Variants in NFIC observed in about 807,000 individuals in gnomAD.
The protein encoded by NFIC is nuclear factor 1 C-type.
A neutral mutation model predicts 54.4 loss-of-function variants in NFIC; 12 were observed. The ratio of observed to expected loss-of-function variants is 0.22; its 90% confidence interval spans 0.14 to 0.36. The LOEUF is 0.36. NFIC is among the 10% of genes least tolerant of loss of function. NFIC has a pLI of 1.00. For synonymous variants in NFIC, 322 were observed against 319.2 expected, an observed-to-expected ratio of 1.01 and a Z score of -0.09; for missense variants, 575 against 718.2, an observed-to-expected ratio of 0.80 and a Z score of 2.28.
In NFIC at chr19:3,369,717, G is replaced by A. The variant is rs533991592; in HGVS notation, c.30+3051G>A. Among the ~76,000 whole-genome samples, 3 of 150,374 alleles carry A rather than the reference G, an allele frequency of 2.0e-5. No individual in the cohort carries two copies. Among genetic ancestry groups the A allele is most frequent in the Admixed American group, 1.3e-4 (2 of 15,182 alleles). ...CATAAATCCTGCCGGCGGGAAGGCCGGCCTCCCCGCGCCTGCTCTGGGCCT... is the reference window on the plus strand; with the variant it reads ...CATAAATCCTGCCGGCGGGAAGGCCAGCCTCCCCGCGCCTGCTCTGGGCCT... On this transcript the variant is annotated intron_variant, in intron 1 of 10. Coordinates refer to ENST00000443272, the MANE Select transcript of NFIC (RefSeq NM_001245002.2). The surrounding 1 kb of genome is among the most constrained non-coding windows in gnomAD (Gnocchi z 4.3).
intron 2 of NFIC, among the ~76,000 whole-genome samples, chr19:3,397,152 A>G (rs568302744): frequency 6.6e-6 from 1 of 152,180 alleles, no homozygotes; most frequent in African/African-American, 2.4e-5. Flanking sequence ...TCTCACAACC[A>G]CCCGCTGAGG....
chr19:3,370,480 C>CCT lies in NFIC; in HGVS notation c.30+3835_30+3836dup, dbSNP rs3834984. On this transcript the variant is annotated intron_variant, in intron 1 of 10. Coordinates refer to ENST00000443272, the MANE Select transcript of NFIC (RefSeq NM_001245002.2). The surrounding 1 kb of genome is among the most constrained non-coding windows in gnomAD (Gnocchi z 5.2). ...GGGATTCTGGCAGAGTCAGCGTTCT[C>CCT]CTCTCTCTCTCTCTCTCTCTCTGTC... is the stretch of plus-strand genomic sequence containing the variant. 2.4e-3 allele frequency among the ~76,000 whole-genome samples: 356 copies of CCT among 146,916 alleles called. 2 individuals carry two copies. Among genetic ancestry groups the CCT allele is most frequent in the Admixed American group, 0.012 (175 of 14,882 alleles).
chr19:3,378,674 G>A (rs2081148260), intron 1 of NFIC, among the ~76,000 whole-genome samples: 2 of 152,212 alleles, frequency 1.3e-5, no homozygotes, highest in South Asian at 2.1e-4. Context: ...TTTGGGAGTA[G>A]GTTGAAGTCC....
rs1196571528 is a variant in NFIC at position 3,457,061 on chromosome 19, C to T, written c.1509+426C>T. On this transcript the variant is annotated intron_variant, in intron 10 of 10. Transcript: ENST00000443272. Reference sequence around the variant, plus strand: ...TCCACGCCGAGGCCTAGAGGGACCGCGGGGTGGCCGGGGGAAACTGAGGCA... The same window carrying T: ...TCCACGCCGAGGCCTAGAGGGACCGTGGGGTGGCCGGGGGAAACTGAGGCA... Among the ~76,000 whole-genome samples the T allele has an allele frequency of 3.9e-5, 6 of 152,294 alleles. No individual in the cohort carries two copies. In the South Asian group the frequency reaches 6.2e-4, roughly 16 times the overall value.
In NFIC at chr19:3,446,417, G is replaced by A. The variant is rs528065988; in HGVS notation, c.959-2597G>A. Among the ~76,000 whole-genome samples, 9 of 152,226 alleles carry A rather than the reference G, an allele frequency of 5.9e-5. No individual in the cohort carries two copies. In the South Asian group the frequency reaches 1.9e-3, roughly 32 times the overall value. On this transcript the variant is annotated intron_variant, in intron 6 of 10. Coordinates refer to ENST00000443272, the MANE Select transcript of NFIC (RefSeq NM_001245002.2). Reference sequence around the variant, plus strand: ...GTGCTCCTGGCATGAAGTGGGTGGTGGCCAGGGACTCTGCTCAGCACCCTG... The same window carrying A: ...GTGCTCCTGGCATGAAGTGGGTGGTAGCCAGGGACTCTGCTCAGCACCCTG...
intron 5 of NFIC, among the ~76,000 whole-genome samples, chr19:3,434,705 G>A (rs1322600368): frequency 6.6e-6 from 1 of 152,052 alleles, no homozygotes; most frequent in Non-Finnish European, 1.5e-5. Flanking sequence ...TTGTGACCTC[G>A]AGCAGGTCAC....
intron 2 of NFIC, among the ~76,000 whole-genome samples, chr19:3,394,528 C>CCCG (rs1222472030): frequency 2.9e-5 from 2 of 69,984 alleles, no homozygotes. Flanking sequence ...CACCCACCCC[C>CCCG]CACCCGCTTA....
At chr19:3,398,353 T>G (rs1044573674) in intron 2 of NFIC, among the ~76,000 whole-genome samples, 4 of 152,140 alleles carry the variant, frequency 2.6e-5, no homozygotes, top group African/African-American at 7.2e-5. Flanking sequence ...CAGGCCTTGC[T>G]GAGGAAGCCT....
At position 3,370,063 on chromosome 19, in the gene NFIC, G is replaced by C. The variant is rs2080971749; in HGVS notation, c.30+3397G>C. Among the ~76,000 whole-genome samples, 2 of 152,160 alleles carry C rather than the reference G, an allele frequency of 1.3e-5. No homozygotes were observed. Among genetic ancestry groups the C allele is most frequent in the South Asian group, 2.1e-4 (1 of 4,836 alleles). ...GCCCTGGGGATAGGTGGGGGTGGGG[G>C]AGGCAGCAGGGCCCAGGCCCAGTGT... On this transcript the variant is annotated intron_variant, in intron 1 of 10. Coordinates refer to ENST00000443272, the MANE Select transcript of NFIC (RefSeq NM_001245002.2). This position sits in a 1 kb window ranked among gnomAD's most constrained non-coding sequence, Gnocchi z 5.2.
chr19:3,405,988 A>G (rs149202297), intron 2 of NFIC, among the ~76,000 whole-genome samples: 6,157 of 151,782 alleles, frequency 0.041, 421 homozygotes, highest in African/African-American at 0.14. Context: ...TGACTTGATC[A>G]TGGCTTACTG....
At chr19:3,388,141 C>T (rs1042757239) in intron 2 of NFIC, among the ~76,000 whole-genome samples, 4 of 152,192 alleles carry the variant, frequency 2.6e-5, no homozygotes, top group Admixed American at 6.5e-5. Flanking sequence ...AGTCCAGCGC[C>T]GGGAATGGCG....
Position 3,406,746 on chromosome 19 carries a change from A to G in NFIC, c.563-18360A>G, listed in dbSNP as rs538660231. 2.0e-5 allele frequency among the ~76,000 whole-genome samples: 3 copies of G among 152,186 alleles called. 1 individual carries two copies. The South Asian group carries it at 6.2e-4, about 32-fold the overall frequency. Reference sequence around the variant, plus strand: ...CGGGAACCCTGTGGTCACATTTTTCAGGAGGGATGTGAGGAGGCGAAAACT... The same window carrying G: ...CGGGAACCCTGTGGTCACATTTTTCGGGAGGGATGTGAGGAGGCGAAAACT... On this transcript the variant is annotated intron_variant, in intron 2 of 10. Coordinates refer to ENST00000443272, the MANE Select transcript of NFIC (RefSeq NM_001245002.2).
At chr19:3,367,622 G>A (rs1381008464) in intron 1 of NFIC, among the ~76,000 whole-genome samples, 1 of 152,212 alleles carries the variant, frequency 6.6e-6, no homozygotes, top group African/African-American at 2.4e-5. Context: ...AGGCTCCCGG[G>A]GACCCCGAGG....
chr19:3,370,281 C>T lies in NFIC; in HGVS notation c.30+3615C>T, dbSNP rs2080976239. On this transcript the variant is annotated intron_variant, in intron 1 of 10. Transcript: ENST00000443272. This position sits in a 1 kb window ranked among gnomAD's most constrained non-coding sequence, Gnocchi z 5.2. The stretch of plus-strand genomic sequence containing the variant: ...AGGTGGGCGCTCTCTCCCCGTGTGC[C>T]CCCCACCCGGGGCCTGGTGGCCTCT... 6.6e-6 allele frequency among the ~76,000 whole-genome samples: 1 copy of T among 152,104 alleles called. No individual in the cohort carries two copies. Among genetic ancestry groups the T allele is most frequent in the Admixed American group, 6.5e-5 (1 of 15,278 alleles).
intron 1 of NFIC, among the ~76,000 whole-genome samples, chr19:3,372,716 G>T (rs374042276): frequency 0.05 from 7,473 of 150,330 alleles, 575 homozygotes; most frequent in East Asian, 0.28. Flanking sequence ...GTGGGGTGGG[G>T]GGGTGCCAGG....
At chr19:3,398,236 G>A (rs751405056) in intron 2 of NFIC, among the ~76,000 whole-genome samples, 1 of 152,170 alleles carries the variant, frequency 6.6e-6, no homozygotes, top group Non-Finnish European at 1.5e-5. Context: ...AGAGAGCTAC[G>A]CAAGGATTGA....
chr19:3,408,654 C>T (rs929193736), intron 2 of NFIC, among the ~76,000 whole-genome samples: 2 of 152,278 alleles, frequency 1.3e-5, no homozygotes, highest in African/African-American at 4.8e-5. Context: ...CGGAGTCTCA[C>T]TCTGTCGCGC....
In NFIC at chr19:3,396,714, C is replaced by G. The variant is rs186433255; in HGVS notation, c.562+14471C>G. The stretch of plus-strand genomic sequence containing the variant: ...CTCACACCTGTAATCCCAGCACTTG[C>G]AGAGGCCAAGGTGGGTGGATCACCT... On this transcript the variant is annotated intron_variant, in intron 2 of 10. Coordinates refer to ENST00000443272, the MANE Select transcript of NFIC (RefSeq NM_001245002.2). 1.3e-3 allele frequency among the ~76,000 whole-genome samples: 205 copies of G among 152,306 alleles called. 1 individual carries two copies. The highest frequency in any genetic ancestry group is 4.8e-3 in the African/African-American group (199 of 41,564).
intron 6 of NFIC, among the ~76,000 whole-genome samples, chr19:3,440,933 A>G (rs1273296574): frequency 2.0e-5 from 3 of 152,136 alleles, no homozygotes; most frequent in African/African-American, 7.2e-5. Context: ...CTCCTTCCTC[A>G]GCCTCCCAAG....
Sources: allele counts gnomAD v4.1 joint callset (sites outside exome capture counted in the v4.1 genomes callset), GRCh38; gene constraint gnomAD v4.1.1; non-coding constraint Gnocchi (gnomAD v3.1); transcripts MANE v1.5; gene names NCBI Gene and HGNC (gene_info 2026-07-23, HGNC 2026-07-21).